CENPK: variants seen among roughly 807,000 people sequenced by gnomAD.
The protein encoded by CENPK is centromere protein K.
CENPK carries 46 observed loss-of-function variants against 40.9 expected under a neutral mutation model. That is an observed-to-expected ratio of 1.13 (90% CI 0.89 to 1.44). CENPK has a LOEUF of 1.44. Ranked by LOEUF, CENPK falls within the 40% of genes most tolerant of loss-of-function variation. The pLI is 0.00. For missense variants in CENPK, 288 were observed against 303.5 expected (o/e 0.95, Z 0.38); for synonymous variants, 107 against 104.4 (o/e 1.02, Z -0.15).
In CENPK at chr5:65,554,737, T is replaced by C. The variant is rs185323800; in HGVS notation, c.111+60A>G. Reference sequence around the variant, plus strand: ...ACAATCATTTCTTTCCTGAGTCTATTTATTATTGAAGTTGATTTAAATCTT... The same window carrying C: ...ACAATCATTTCTTTCCTGAGTCTATCTATTATTGAAGTTGATTTAAATCTT... On this transcript the variant is annotated intron_variant, in intron 3 of 10. Transcript: ENST00000396679. The C allele has an allele frequency of 2.1e-5, 19 of 906,520 alleles. No individual in the cohort carries two copies. In the African/African-American group the frequency reaches 2.7e-4, roughly 13 times the overall value. The allele number at this position is 906,520 out of a possible 1,614,324, so 56.2% of individuals were successfully genotyped here. A position where few individuals can be genotyped will look rare whatever the true frequency, so the allele number is the denominator to read the frequency against.
chr5:65,508,006 A>G, the CENPK span, among the ~76,000 whole-genome samples: 55 of 152,288 alleles, frequency 3.6e-4, no homozygotes, highest in African/African-American at 1.3e-3. Flanking sequence ...TACAGAAACA[A>G]TGTTGTGTCT....
chr5:65,521,682 C>G (rs1580881722), intron 9 of CENPK, among the ~76,000 whole-genome samples, 154 bp from the exon 10 acceptor site: 2 of 152,290 alleles, frequency 1.3e-5, no homozygotes, highest in African/African-American at 2.4e-5. Context: ...TTCACTGCAA[C>G]CTCCGCCTCC....
chr5:65,502,062 C>T, the CENPK span, among the ~76,000 whole-genome samples: 2 of 152,146 alleles, frequency 1.3e-5, no homozygotes, highest in African/African-American at 4.8e-5. Context: ...GGGCAGGACA[C>T]CATGTTATAG....
chr5:65,529,880 C>A (rs1370785585), intron 6 of CENPK: 1 of 152,336 alleles, frequency 6.6e-6, no homozygotes, highest in East Asian at 1.9e-4. Flanking sequence ...ACTCGGCTCA[C>A]TGCAACCTCT....
the CENPK span, among the ~76,000 whole-genome samples, chr5:65,499,172 AG>A: frequency 6.7e-6 from 1 of 150,060 alleles, no homozygotes; most frequent in South Asian, 2.2e-4. Context: ...CACTGCACCC[AG>A]CCAGGAACTT....
At chr5:65,546,235 C>A (rs1021797893) in intron 5 of CENPK, among the ~76,000 whole-genome samples, 1 of 151,498 alleles carries the variant, frequency 6.6e-6, no homozygotes, top group African/African-American at 2.4e-5. Context: ...CCTGCCCCCC[C>A]GCTCAGGTGA....
intron 1 of CENPK, among the ~76,000 whole-genome samples, chr5:65,562,605 G>A (rs1451691706): frequency 6.6e-6 from 1 of 152,148 alleles, no homozygotes; most frequent in African/African-American, 2.4e-5. Context: ...TACATTTTAT[G>A]TTATGTGCTT....
chr5:65,498,660 T>G, the CENPK span, among the ~76,000 whole-genome samples: 2 of 148,114 alleles, frequency 1.4e-5, no homozygotes, highest in Non-Finnish European at 3.0e-5. Context: ...AGACAGGGTC[T>G]GATTCTGTCT....
intron 9 of CENPK, among the ~76,000 whole-genome samples, chr5:65,528,198 G>A (rs551312148): frequency 2.3e-4 from 35 of 152,206 alleles, no homozygotes; most frequent in Non-Finnish European, 4.4e-4. Flanking sequence ...CTGAGATCAC[G>A]CCACTGAACT....
chr5:65,560,875 T>A (rs1220740462), intron 2 of CENPK: 2 of 152,134 alleles, frequency 1.3e-5, no homozygotes, highest in Non-Finnish European at 2.9e-5. Context: ...TCTGCATAAG[T>A]CTATACAATT....
In CENPK at chr5:65,542,945, T is replaced by C. The variant is rs1226977712; in HGVS notation, c.242-97A>G. On this transcript the variant is annotated intron_variant, in intron 5 of 10. Transcript: ENST00000396679. ...CGGTTTTCTAAGATACTTCTTTCCATCTCCATTTATATAATATACAACTTT... is the reference window on the plus strand; with the variant it reads ...CGGTTTTCTAAGATACTTCTTTCCACCTCCATTTATATAATATACAACTTT... 2.3e-5 allele frequency: 23 copies of C among 979,192 alleles called. No homozygotes were observed. In the East Asian group the frequency reaches 3.5e-4, roughly 15 times the overall value. The allele number at this position is 979,192 out of a possible 1,614,324, so 60.7% of individuals were successfully genotyped here. A position where few individuals can be genotyped will look rare whatever the true frequency, so the allele number is the denominator to read the frequency against.
intron 6 of CENPK, chr5:65,541,545 C>T (rs192986389): frequency 2.3e-6 from 1 of 429,698 alleles, no homozygotes; most frequent in Non-Finnish European, 4.8e-6. Context: ...TTGTTTTTTT[C>T]CTCTCTATCC....
rs965131285 is a variant in CENPK, at chr5:65,524,103, C to T, written c.598-2575G>A. Reference sequence around the variant, plus strand: ...AACTCTTGGAGGCTTGGCCCGGGCACGGTGGCTCATGCCTGTAATCCTAGC... The same window carrying T: ...AACTCTTGGAGGCTTGGCCCGGGCATGGTGGCTCATGCCTGTAATCCTAGC... On this transcript the variant is annotated intron_variant, in intron 9 of 10. Transcript: ENST00000396679. 7.2e-5 allele frequency among the ~76,000 whole-genome samples: 11 copies of T among 151,984 alleles called. 1 individual carries two copies. The East Asian group carries it at 2.1e-3, about 29-fold the overall frequency.
chr5:65,527,950 G>A (rs931465544), intron 9 of CENPK, among the ~76,000 whole-genome samples: 3 of 152,094 alleles, frequency 2.0e-5, no homozygotes, highest in African/African-American at 7.2e-5. Flanking sequence ...TACTCTGGCT[G>A]GGCGCAGTGG....
chr5:65,536,898 G>C (rs1747013074), intron 6 of CENPK, among the ~76,000 whole-genome samples: 1 of 152,142 alleles, frequency 6.6e-6, no homozygotes. Context: ...GGGTCTTTGG[G>C]AAGCAATTGG....
the CENPK span, among the ~76,000 whole-genome samples, chr5:65,503,082 A>C: frequency 6.7e-6 from 1 of 149,724 alleles, no homozygotes; most frequent in East Asian, 2.0e-4. Context: ...TACAGGTGTG[A>C]GCCACCGTGC....
At chr5:65,516,754 G>C (rs1421235996), downstream of CENPK, among the ~76,000 whole-genome samples, 1 of 151,576 alleles carries the variant, frequency 6.6e-6, no homozygotes, top group Non-Finnish European at 1.5e-5. Context: ...CAATAAACTA[G>C]GGAAAGTATT....
intron 2 of CENPK, among the ~76,000 whole-genome samples, chr5:65,559,919 A>G (rs1352829509): frequency 6.6e-6 from 1 of 151,976 alleles, no homozygotes; most frequent in Non-Finnish European, 1.5e-5. Context: ...TTTTAAATGT[A>G]TATTTTGGTC....
intron 6 of CENPK, among the ~76,000 whole-genome samples, chr5:65,530,633 A>G: frequency 6.6e-6 from 1 of 152,252 alleles, no homozygotes; most frequent in African/African-American, 2.4e-5. Context: ...TAAGTTAAAC[A>G]TGTATATTAC....
Sources: allele counts gnomAD v4.1 joint callset (sites outside exome capture counted in the v4.1 genomes callset), GRCh38; gene constraint gnomAD v4.1.1; transcripts MANE v1.5; gene names NCBI Gene and HGNC (gene_info 2026-07-23, HGNC 2026-07-21).